The following ARHGAP17 variants were observed in gnomAD, a reference collection of about 807,000 sequenced individuals.
ARHGAP17 encodes the protein Rho GTPase activating protein 17.
A neutral mutation model predicts 99.5 loss-of-function variants in ARHGAP17; 57 were observed. The ratio of observed to expected loss-of-function variants is 0.57; its 90% confidence interval spans 0.46 to 0.71. ARHGAP17 has a LOEUF of 0.71. Among genes scored for constraint, ARHGAP17 ranks in the 30% least tolerant of loss-of-function variants. The pLI is 0.00. For missense variants in ARHGAP17, 1,000 were observed against 1,122.4 expected, an observed-to-expected ratio of 0.89 and a Z score of 1.56; for synonymous variants, 417 against 429.6, an observed-to-expected ratio of 0.97 and a Z score of 0.36.
At chr16:24,961,972 G>GTTTTA (rs2052022495) in intron 7 of ARHGAP17, among the ~76,000 whole-genome samples, 1 of 136,792 alleles carries the variant, frequency 7.3e-6, no homozygotes, top group South Asian at 2.2e-4. Flanking sequence ...GAGAGAGTTT[G>GTTTTA]TTTTTTTTTT....
intron 18 of ARHGAP17, 99 bp downstream of exon 18, chr16:24,935,371 A>T (rs1447825473): frequency 7.4e-7 from 1 of 1,348,576 alleles, no homozygotes. Context: ...ACAGACATAG[A>T]AAAGATCTGG....
chr16:24,922,307 C>A (rs1420802541), intron 19 of ARHGAP17, among the ~76,000 whole-genome samples: 1 of 152,208 alleles, frequency 6.6e-6, no homozygotes, highest in African/African-American at 2.4e-5. Flanking sequence ...GAGATTTCTA[C>A]TTGTTAATAT....
intron 7 of ARHGAP17, among the ~76,000 whole-genome samples, chr16:24,963,295 C>A (rs1167734697): frequency 6.6e-6 from 1 of 151,892 alleles, no homozygotes; most frequent in African/African-American, 2.4e-5. Context: ...TAATTTCTAC[C>A]CACTATATTA....
chr16:24,957,193 T>G (rs1043061228), intron 9 of ARHGAP17: 2 of 152,308 alleles, frequency 1.3e-5, no homozygotes, highest in Non-Finnish European at 2.9e-5. Context: ...CCTGAATCAC[T>G]TGGAGAAAGG....
intron 1 of ARHGAP17, among the ~76,000 whole-genome samples, chr16:24,993,492 G>A (rs9921974): frequency 0.032 from 4,902 of 152,050 alleles, 278 homozygotes; most frequent in African/African-American, 0.11. Flanking sequence ...AGGAGGCTGA[G>A]GGAGGAGAAT....
chr16:24,930,587 A>G (rs1234234326), intron 19 of ARHGAP17, 197 bp downstream of exon 19: 2 of 964,016 alleles, frequency 2.1e-6, no homozygotes, highest in Non-Finnish European at 3.3e-6. Flanking sequence ...ATGCAGCCAC[A>G]GACAATATGT....
rs201611750 is a variant in ARHGAP17 at position 24,959,656 on chromosome 16, C to A, written c.724+15G>T. Reference sequence around the variant, plus strand: ...AGGCAAGAAGGAAGCATCAGCCGCACGCGGGTTACATTACCTTGATGGGCT... The same window carrying A: ...AGGCAAGAAGGAAGCATCAGCCGCAAGCGGGTTACATTACCTTGATGGGCT... On this transcript the variant is annotated intron_variant, in intron 9 of 19. Transcript: ENST00000289968. 3 of 1,612,480 alleles carry A rather than the reference C, an allele frequency of 1.9e-6. No individual in the cohort carries two copies. Among genetic ancestry groups the A allele is most frequent in the Non-Finnish European group, 1.7e-6 (2 of 1,179,302 alleles).
intron 19 of ARHGAP17, chr16:24,929,648 C>CT (rs1850513718): frequency 5.1e-6 from 5 of 987,956 alleles, no homozygotes; most frequent in Non-Finnish European, 6.0e-6. Flanking sequence ...TGTGAGGGCA[C>CT]TAGGAAGGGC....
At chr16:24,935,759 C>G in intron 17 of ARHGAP17, 120 bp from the exon 18 acceptor site, 1 of 1,093,950 alleles carries the variant, frequency 9.1e-7, no homozygotes, top group South Asian at 1.3e-5. Context: ...GGAAAAGGAT[C>G]TGAAATTCTA....
intron 1 of ARHGAP17, among the ~76,000 whole-genome samples, chr16:24,995,074 T>G (rs1335339770): frequency 1.3e-5 from 2 of 152,118 alleles, no homozygotes; most frequent in Non-Finnish European, 2.9e-5. Flanking sequence ...GAAAAGTCAC[T>G]TATAAAACCA....
Position 24,931,052 on chromosome 16 carries a change from C to G in ARHGAP17, c.2247G>C (p.Gln749His). 6.2e-7 allele frequency: 1 copy of G among 1,606,774 alleles called. No homozygotes were observed. The highest frequency in any genetic ancestry group is 8.5e-7 in the Non-Finnish European group (1 of 1,176,432). The change falls in exon 19 of 20, where the codon CAG becomes CAC. Residue 749 changes from glutamine to histidine, a missense_variant. Transcript: ENST00000289968. ...GAGTCTGGGGAGGGGTGTGAGATGG[C>G]TGCTCAAGTCCATGCTCACTGGGCA... ...MALPSEHGLE[Q>H]PSHTPPQTPT...
At chr16:24,950,458 A>T (rs1046306333) in intron 12 of ARHGAP17, among the ~76,000 whole-genome samples, 1 of 152,204 alleles carries the variant, frequency 6.6e-6, no homozygotes, top group Non-Finnish European at 1.5e-5. Flanking sequence ...TTCCAAGGAT[A>T]CGTGATGACT....
rs1385874532 is a variant in ARHGAP17 at position 24,952,947 on chromosome 16, G to A, written c.948C>T (p.Asp316=). Residue 316 remains aspartate (D), a synonymous_variant, in exon 11 of 20, where the codon GAC becomes GAT. Transcript: ENST00000289968. ...STSHLDEFYS[D]PHAVAGALKS... is the part of the protein sequence containing the mutation. ...GGCGCTCACCTGCTACAGCATGGGG[G>A]TCTGAATAGAACTCATCCAGGTGAG... 1.7e-5 allele frequency: 27 copies of A among 1,613,820 alleles called. No homozygotes were observed. The highest frequency in any genetic ancestry group is 2.1e-5 in the Non-Finnish European group (25 of 1,179,884).
chr16:25,012,376 A>G (rs2053665236), intron 1 of ARHGAP17, among the ~76,000 whole-genome samples: 1 of 152,210 alleles, frequency 6.6e-6, no homozygotes, highest in African/African-American at 2.4e-5. Flanking sequence ...AAAGTACTCA[A>G]AGGTCTCCCT....
At chr16:24,973,560 A>G (rs545750627) in intron 3 of ARHGAP17, among the ~76,000 whole-genome samples, 2 of 152,348 alleles carry the variant, frequency 1.3e-5, no homozygotes, top group East Asian at 3.9e-4. Flanking sequence ...ACTTTGCCCC[A>G]GCTGCCTGGA....
At chr16:24,998,646 A>G (rs765822199) in intron 1 of ARHGAP17, among the ~76,000 whole-genome samples, 7 of 152,234 alleles carry the variant, frequency 4.6e-5, no homozygotes, top group Non-Finnish European at 7.3e-5. Context: ...GGACGGCAGC[A>G]TTCATTCAGC....
chr16:25,010,871 T>C (rs1191932640), intron 1 of ARHGAP17, among the ~76,000 whole-genome samples: 2 of 152,248 alleles, frequency 1.3e-5, no homozygotes, highest in Non-Finnish European at 2.9e-5. Context: ...TCTAGGCATT[T>C]GGGTTTACAA....
chr16:24,969,022 A>G (rs1409565137), intron 4 of ARHGAP17, among the ~76,000 whole-genome samples: 1 of 152,226 alleles, frequency 6.6e-6, no homozygotes, highest in Non-Finnish European at 1.5e-5. Context: ...GAACAGTGAA[A>G]TAACAAATTA....
chr16:24,981,653 A>G (rs967995084), intron 1 of ARHGAP17, among the ~76,000 whole-genome samples: 2 of 152,234 alleles, frequency 1.3e-5, no homozygotes, highest in African/African-American at 4.8e-5. Context: ...GAGTGAACCC[A>G]CCGTATTTTG....
Sources: allele counts gnomAD v4.1 joint callset (sites outside exome capture counted in the v4.1 genomes callset), GRCh38; gene constraint gnomAD v4.1.1; transcripts MANE v1.5; gene names NCBI Gene and HGNC (gene_info 2026-07-23, HGNC 2026-07-21).